TET1: variants seen among roughly 807,000 people sequenced by gnomAD.
The protein encoded by TET1 is tet methylcytosine dioxygenase 1.
Under a neutral mutation model 148.7 loss-of-function variants are expected in TET1, and 13 were observed. That is an observed-to-expected ratio of 0.09 (90% CI 0.06 to 0.14). The LOEUF (loss-of-function observed/expected upper bound fraction) is 0.14, where lower values mean the gene tolerates loss of function less well. TET1 is among the 10% of genes least tolerant of loss of function. The pLI is 1.00. For missense variants in TET1, 2,182 were observed against 2,553.8 expected (o/e 0.85, Z 3.14); for synonymous variants, 907 against 937.2 (o/e 0.97, Z 0.59).
At chr10:68,663,881 G>T (rs1464074082) in intron 6 of TET1, among the ~76,000 whole-genome samples, 1 of 151,994 alleles carries the variant, frequency 6.6e-6, no homozygotes, top group Non-Finnish European at 1.5e-5. Flanking sequence ...AACCTCTATG[G>T]GGCTTTGAGC....
intron 3 of TET1, among the ~76,000 whole-genome samples, chr10:68,612,150 C>T (rs2054225427): frequency 6.7e-6 from 1 of 149,196 alleles, no homozygotes; most frequent in Admixed American, 6.7e-5. Flanking sequence ...AGTGCAGTGG[C>T]TCGATCTTGG....
chr10:68,587,869 T>A (rs1426121325), intron 2 of TET1, among the ~76,000 whole-genome samples: 1 of 152,140 alleles, frequency 6.6e-6, no homozygotes, highest in African/African-American at 2.4e-5. Flanking sequence ...TAGAAACACG[T>A]CTTGTTGTTT....
intron 7 of TET1, among the ~76,000 whole-genome samples, chr10:68,668,859 C>T (rs574207105): frequency 5.3e-5 from 8 of 152,106 alleles, no homozygotes; most frequent in Non-Finnish European, 1.0e-4. Context: ...TGGCATATGC[C>T]TGTAGTCCTT....
Position 68,573,625 on chromosome 10 carries a change from G to T in TET1, c.1287G>T (p.Leu429Phe). The T allele has an allele frequency of 6.2e-7, 1 of 1,614,158 alleles. No homozygotes were observed. The highest frequency in any genetic ancestry group is 8.5e-7 in the Non-Finnish European group (1 of 1,180,036). ...LGMSGSVVPD[L>F]PVFLPVPPNP... Reference sequence around the variant, plus strand: ...TGAGTGGGAGTGTTGTCCCAGACTTGCCTGTCTTCCTTCCTGTTCCTCCAA... The same window carrying T: ...TGAGTGGGAGTGTTGTCCCAGACTTTCCTGTCTTCCTTCCTGTTCCTCCAA... Residue 429 changes from leucine (L) to phenylalanine (F), a missense_variant, in exon 2 of 12, where the codon TTG becomes TTT. Transcript: ENST00000373644.
At chr10:68,688,127 C>G (rs1381128286) in intron 11 of TET1, among the ~76,000 whole-genome samples, 1 of 152,090 alleles carries the variant, frequency 6.6e-6, no homozygotes, top group Non-Finnish European at 1.5e-5. Context: ...GTCAGAGTCT[C>G]ACTCTGTCAC....
At chr10:68,654,865 G>A (rs924587327) in intron 6 of TET1, among the ~76,000 whole-genome samples, 2 of 152,210 alleles carry the variant, frequency 1.3e-5, no homozygotes, top group African/African-American at 4.8e-5. Context: ...GACTGGGGGA[G>A]AGTGGTGCAG....
intron 7 of TET1, among the ~76,000 whole-genome samples, chr10:68,670,500 T>A (rs976601134): frequency 6.6e-6 from 1 of 152,208 alleles, no homozygotes; most frequent in Non-Finnish European, 1.5e-5. Context: ...ACTATTACAC[T>A]CAGTGCAATT....
intron 3 of TET1, among the ~76,000 whole-genome samples, chr10:68,602,482 T>C (rs2054070221): frequency 1.3e-5 from 2 of 152,162 alleles, no homozygotes; most frequent in African/African-American, 4.8e-5. Context: ...AAGGGATAGA[T>C]TATGTGGAGA....
intron 6 of TET1, 130 bp downstream of exon 6, chr10:68,652,724 T>C (rs1290783692): frequency 2.1e-5 from 13 of 619,360 alleles, no homozygotes; most frequent in Admixed American, 3.4e-5. Flanking sequence ...AGACAGGCTT[T>C]GTCGCCCCGG....
At chr10:68,662,709 C>A (rs1224218493) in intron 6 of TET1, among the ~76,000 whole-genome samples, 1 of 152,120 alleles carries the variant, frequency 6.6e-6, no homozygotes, top group Non-Finnish European at 1.5e-5. Flanking sequence ...TGAGACAAAC[C>A]TGGGCAACAT....
intron 2 of TET1, among the ~76,000 whole-genome samples, chr10:68,588,736 A>G (rs1367284786): frequency 1.3e-5 from 2 of 151,934 alleles, no homozygotes; most frequent in African/African-American, 4.8e-5. Context: ...CTGCTGCTAT[A>G]TTTTAATATT....
rs575061939 is a variant in TET1 at position 68,636,127 on chromosome 10, C to T, written c.1969-8571C>T. On this transcript the variant is annotated intron_variant, in intron 3 of 11. Coordinates refer to ENST00000373644, the MANE Select transcript of TET1 (RefSeq NM_030625.3). ...GACAGTTTGAGGCAGATTGGGTGGT[C>T]TTAGAAGGTTTTTCCTCCTTTGGGA... is the stretch of plus-strand genomic sequence containing the variant. Among the ~76,000 whole-genome samples the T allele has an allele frequency of 3.3e-5, 5 of 152,160 alleles. No homozygotes were observed. The East Asian group carries it at 9.7e-4, about 29-fold the overall frequency.
chr10:68,632,375 C>G, intron 3 of TET1: 1 of 1,601,428 alleles, frequency 6.2e-7, no homozygotes, highest in Non-Finnish European at 8.5e-7. Flanking sequence ...GTCCTCATGG[C>G]CTCCACGCCG....
chr10:68,673,815 C>T (rs2055307349), intron 8 of TET1, among the ~76,000 whole-genome samples: 1 of 151,616 alleles, frequency 6.6e-6, no homozygotes, highest in Admixed American at 6.6e-5. Flanking sequence ...TATCTGAAAA[C>T]AATACTTACC....
intron 2 of TET1, among the ~76,000 whole-genome samples, chr10:68,577,445 A>G (rs1055332248): frequency 2.0e-5 from 3 of 152,200 alleles, no homozygotes; most frequent in Non-Finnish European, 2.9e-5. Flanking sequence ...ACTTGAGGCC[A>G]GGAGTTTGAG....
chr10:68,597,730 G>T (rs550859580), intron 2 of TET1, among the ~76,000 whole-genome samples: 142 of 152,244 alleles, frequency 9.3e-4, no homozygotes, highest in African/African-American at 3.2e-3. Flanking sequence ...AACAAAATGT[G>T]TTATGTACAT....
chr10:68,665,775 A>G, intron 6 of TET1, among the ~76,000 whole-genome samples: 1 of 152,140 alleles, frequency 6.6e-6, no homozygotes, highest in East Asian at 1.9e-4. Context: ...GTATAAATAT[A>G]GAAAAAATTT....
At chr10:68,655,583 T>C (rs1268308948) in intron 6 of TET1, among the ~76,000 whole-genome samples, 1 of 152,196 alleles carries the variant, frequency 6.6e-6, no homozygotes, top group Non-Finnish European at 1.5e-5. Flanking sequence ...GATGATTTCT[T>C]TTTCCTCTCT....
chr10:68,664,670 A>ATTTT (rs398013961), intron 6 of TET1, among the ~76,000 whole-genome samples: 34 of 99,534 alleles, frequency 3.4e-4, no homozygotes, highest in African/African-American at 1.1e-3. Context: ...CCCAGCCTGC[A>ATTTT]TTTTTTTTTT....
Sources: allele counts gnomAD v4.1 joint callset (sites outside exome capture counted in the v4.1 genomes callset), GRCh38; gene constraint gnomAD v4.1.1; transcripts MANE v1.5; gene names NCBI Gene and HGNC (gene_info 2026-07-23, HGNC 2026-07-21).